Variants in PARP15 observed in about 807,000 individuals in gnomAD.
PARP15 encodes protein mono-ADP-ribosyltransferase PARP15.
A neutral mutation model predicts 62.1 loss-of-function variants in PARP15; 50 were observed. The observed-to-expected ratio is 0.81, with a 90% CI of 0.64 to 1.02. PARP15 has a LOEUF of 1.02. Ranked by LOEUF, PARP15 falls within the 50% of genes least tolerant of loss-of-function variation. The probability of loss-of-function intolerance (pLI) is 0.00; values close to 1 mark genes in which losing one functional copy is unlikely to be tolerated. For synonymous variants in PARP15, 309 were observed against 293.1 expected (o/e 1.05, Z -0.55); for missense variants, 820 against 826.5 (o/e 0.99, Z 0.10).
In PARP15 at chr3:122,638,071, T is replaced by G; in HGVS notation, c.*1971T>G. The G allele has an allele frequency of 6.6e-6, 1 of 152,198 alleles. No individual in the cohort carries two copies. The highest frequency in any genetic ancestry group is 1.9e-4 in the East Asian group (1 of 5,196). The allele number at this position is 152,198 out of a possible 1,614,324, so 9.4% of individuals were successfully genotyped here. A position where few individuals can be genotyped will look rare whatever the true frequency, so the allele number is the denominator to read the frequency against. On this transcript the variant is annotated 3_prime_UTR_variant, in exon 12 of 12. Transcript: ENST00000464300. Reference sequence around the variant, plus strand: ...GGTGTTTGGTTTTTTGTCCTTGCGATAGTTTGCTGAGAATGATGGTTTCCA... The same window carrying G: ...GGTGTTTGGTTTTTTGTCCTTGCGAGAGTTTGCTGAGAATGATGGTTTCCA...
At chr3:122,626,581 G>A (rs913154165) in intron 8 of PARP15, among the ~76,000 whole-genome samples, 1 of 152,112 alleles carries the variant, frequency 6.6e-6, no homozygotes, top group African/African-American at 2.4e-5. Flanking sequence ...TTTTGTCTGC[G>A]ATAAGACACA....
intron 1 of PARP15, 86 bp from the exon 2 acceptor site, chr3:122,605,850 A>T (rs1576506822): frequency 7.2e-7 from 1 of 1,389,044 alleles, no homozygotes; most frequent in African/African-American, 1.4e-5. Context: ...CAAAGTGCTG[A>T]GATTACAGAC....
intron 10 of PARP15, 74 bp downstream of exon 10, chr3:122,632,293 AC>A: frequency 7.2e-7 from 1 of 1,381,178 alleles, no homozygotes; most frequent in Non-Finnish European, 1.0e-6. Context: ...TTTAAATAAC[AC>A]CCTTCCTTCC....
intron 1 of PARP15, among the ~76,000 whole-genome samples, chr3:122,598,683 T>G (rs1314636237): frequency 6.6e-6 from 1 of 152,110 alleles, no homozygotes; most frequent in African/African-American, 2.4e-5. Context: ...CACAGCCAAC[T>G]CTGATATGAT....
intron 1 of PARP15, among the ~76,000 whole-genome samples, chr3:122,589,188 G>GT (rs1271628328): frequency 2.0e-5 from 3 of 152,118 alleles, no homozygotes; most frequent in Non-Finnish European, 4.4e-5. Flanking sequence ...TCTCATCCTG[G>GT]TTTGTCGATG....
At chr3:122,616,975 C>A in intron 5 of PARP15, 40 bp from the exon 6 acceptor site, 1 of 1,601,440 alleles carries the variant, frequency 6.2e-7, no homozygotes, top group Non-Finnish European at 8.5e-7. Flanking sequence ...CCTCCAGAAG[C>A]TGAGCCAGCC....
intron 4 of PARP15, chr3:122,615,187 A>G (rs1935871637): frequency 2.4e-6 from 3 of 1,241,826 alleles, no homozygotes; most frequent in Admixed American, 5.2e-5. Context: ...GCTCAATTTT[A>G]TCACTCACAC....
intron 6 of PARP15, among the ~76,000 whole-genome samples, chr3:122,619,294 A>G (rs1028694886): frequency 1.1e-4 from 17 of 152,342 alleles, no homozygotes; most frequent in Admixed American, 1.0e-3. Context: ...CCCAGCTGTC[A>G]TTAGACTTGA....
intron 2 of PARP15, 52 bp from the exon 3 acceptor site, chr3:122,610,441 TC>T: frequency 1.4e-6 from 2 of 1,429,980 alleles, no homozygotes; most frequent in Non-Finnish European, 1.9e-6. Context: ...TTACAGTTGC[TC>T]CATCATTATG....
Position 122,614,179 on chromosome 3 carries a change from A to C in PARP15, c.771+911A>C, listed in dbSNP as rs1044539897. On this transcript the variant is annotated intron_variant, in intron 4 of 11. Transcript: ENST00000464300. Reference sequence around the variant, plus strand: ...CAAGTGTAAGATGAGTGTGGTAATAACACCTTTCGGAATTGTTCTAACTAT... The same window carrying C: ...CAAGTGTAAGATGAGTGTGGTAATACCACCTTTCGGAATTGTTCTAACTAT... Among the ~76,000 whole-genome samples the C allele has an allele frequency of 2.0e-5, 3 of 152,040 alleles. 1 individual carries two copies. The highest frequency in any genetic ancestry group is 4.1e-4 in the South Asian group (2 of 4,826).
chr3:122,613,890 C>T (rs1366034910), intron 4 of PARP15, among the ~76,000 whole-genome samples: 1 of 134,788 alleles, frequency 7.4e-6, no homozygotes, highest in African/African-American at 2.8e-5. Flanking sequence ...GGTGTGATCT[C>T]GGCTCACTGC....
At chr3:122,594,432 A>T in intron 1 of PARP15, 1 of 476,252 alleles carries the variant, frequency 2.1e-6, no homozygotes, top group African/African-American at 2.1e-5. Flanking sequence ...TATTACTATT[A>T]TCATATTACA....
chr3:122,597,283 A>G (rs1576492535), intron 1 of PARP15, among the ~76,000 whole-genome samples: 1 of 152,262 alleles, frequency 6.6e-6, no homozygotes, highest in East Asian at 1.9e-4. Context: ...TAATAATACC[A>G]CAATGGAAAT....
intron 2 of PARP15, among the ~76,000 whole-genome samples, chr3:122,608,404 C>G (rs1489672292): frequency 6.6e-6 from 1 of 151,840 alleles, no homozygotes; most frequent in Admixed American, 6.6e-5. Flanking sequence ...TTAGTAGAGA[C>G]CGGGTTTTGC....
chr3:122,608,132 T>A (rs1004627669), intron 2 of PARP15, among the ~76,000 whole-genome samples: 1 of 151,998 alleles, frequency 6.6e-6, no homozygotes, highest in Non-Finnish European at 1.5e-5. Context: ...CTCTTCTCAC[T>A]ACTGAACCTC....
chr3:122,624,383 C>G (rs895407084), intron 8 of PARP15, among the ~76,000 whole-genome samples: 3 of 152,124 alleles, frequency 2.0e-5, no homozygotes, highest in African/African-American at 7.2e-5. Flanking sequence ...TCGAGTTTGA[C>G]CAGGACTTTC....
Position 122,580,005 on chromosome 3 carries a change from A to ATG in PARP15, c.186+2153_186+2154insGT, listed in dbSNP as rs1299559421. Among the ~76,000 whole-genome samples the ATG allele has an allele frequency of 3.7e-3, 304 of 82,138 alleles. 5 individuals are homozygous for ATG. The highest frequency in any genetic ancestry group is 8.3e-3 in the African/African-American group (204 of 24,574). The allele number at this position is 82,138 out of a possible 152,430, so 53.9% of individuals were successfully genotyped here. On this transcript the variant is annotated intron_variant, in intron 1 of 11. Transcript: ENST00000464300. ...ACAACAACAGCAACTATATGTATAT[A>ATG]TATATATATATATATATATATATAT...
At chr3:122,593,610 A>G (rs764616456) in intron 1 of PARP15, among the ~76,000 whole-genome samples, 6 of 152,322 alleles carry the variant, frequency 3.9e-5, no homozygotes, top group Non-Finnish European at 7.3e-5. Flanking sequence ...CATATATGCA[A>G]ATATATAGAT....
chr3:122,584,799 A>C (rs1381062301), intron 1 of PARP15, among the ~76,000 whole-genome samples: 1 of 152,002 alleles, frequency 6.6e-6, no homozygotes, highest in Non-Finnish European at 1.5e-5. Flanking sequence ...GCTGGTCTTG[A>C]ACTCCTGACC....
Sources: gnomAD v4.1 joint callset for allele counts (sites outside exome capture counted in the v4.1 genomes callset) on GRCh38, gnomAD v4.1.1 for gene constraint, MANE v1.5 for transcripts, NCBI Gene and HGNC (gene_info 2026-07-23, HGNC 2026-07-21) for gene names.